PPP2R1B: variants seen among roughly 807,000 people sequenced by gnomAD.
The protein encoded by PPP2R1B is serine/threonine-protein phosphatase 2A 65 kDa regulatory subunit A beta isoform.
In PPP2R1B, 58 loss-of-function variants were observed where a neutral mutation model predicts 72.7. The observed-to-expected ratio is 0.80, with a 90% CI of 0.65 to 0.99. PPP2R1B has a LOEUF of 0.99. Among genes scored for constraint, PPP2R1B ranks in the 50% least tolerant of loss-of-function variants. The pLI is 0.00. For synonymous variants in PPP2R1B, 256 were observed against 264.6 expected, an observed-to-expected ratio of 0.97 and a Z score of 0.32; for missense variants, 695 against 733.6, an observed-to-expected ratio of 0.95 and a Z score of 0.61.
At chr11:111,701,364 T>G in the PPP2R1B span, 8 of 1,492,328 alleles carry the variant, frequency 5.4e-6, no homozygotes, top group Non-Finnish European at 7.2e-6. The surrounding 1 kb of genome is among the most constrained non-coding windows in gnomAD (Gnocchi z 4.2). Context: ...TCAGTCCATA[T>G]GATTTCAAGA....
Position 111,738,832 on chromosome 11 carries a change from A to G in PPP2R1B, c.*2764T>C. ...ACACAAATTACAGAGAGAAACACCAAGGTGAATTCCACTGTTGCTGAGACA... is the reference window on the plus strand; with the variant it reads ...ACACAAATTACAGAGAGAAACACCAGGGTGAATTCCACTGTTGCTGAGACA... On this transcript the variant is annotated 3_prime_UTR_variant, in exon 15 of 15. Transcript: ENST00000527614. 1 of 985,160 alleles carries G rather than the reference A, an allele frequency of 1.0e-6. No homozygotes were observed. 61.0% of individuals were successfully genotyped at this position (985,160 alleles called of 1,614,324 possible).
chr11:111,708,796 T>C, the PPP2R1B span, among the ~76,000 whole-genome samples: 1 of 152,044 alleles, frequency 6.6e-6, no homozygotes, highest in Admixed American at 6.6e-5. Flanking sequence ...CAATGTTGCC[T>C]AGGCTGGTCT....
chr11:111,709,111 G>A, the PPP2R1B span, among the ~76,000 whole-genome samples: 5 of 152,192 alleles, frequency 3.3e-5, no homozygotes, highest in Admixed American at 2.0e-4. Context: ...CTCACAGTTC[G>A]GGAGGCCGGA....
In PPP2R1B at chr11:111,760,994, C is replaced by T; in HGVS notation, c.364G>A (p.Glu122Lys). The change falls in exon 4 of 15, where the codon GAG becomes AAG. Residue 122 changes from glutamate to lysine, a missense_variant. Glu to Lys is a moderately conservative substitution (Grantham distance 56). Coordinates refer to ENST00000527614, the MANE Select transcript of PPP2R1B (RefSeq NM_002716.5). ...TCCTGGGAGATCTGTCTCAGGGACT[C>T]CACAGCCTTGTCACGAACAACAGTC... ...EETVVRDKAV[E>K]SLRQISQEHT... 6.2e-7 allele frequency: 1 copy of T among 1,614,192 alleles called. No homozygotes were observed. The highest frequency in any genetic ancestry group is 2.2e-5 in the East Asian group (1 of 44,886).
intron 12 of PPP2R1B, 143 bp from the exon 13 acceptor site, chr11:111,742,808 T>A: frequency 5.9e-6 from 4 of 675,280 alleles, no homozygotes; most frequent in Non-Finnish European, 6.8e-6. Context: ...GACACAAGAA[T>A]CATTCAAATG....
At chr11:111,703,475 T>G in the PPP2R1B span, 3 of 1,521,948 alleles carry the variant, frequency 2.0e-6, no homozygotes, top group Non-Finnish European at 2.7e-6. Context: ...ACTTGAAATT[T>G]CATGCTCACA....
rs749524147 is a variant in PPP2R1B, at chr11:111,742,526, G to T, written c.1694C>A (p.Thr565Asn). ...AGACTAAACACTAAAATCTTACTTG[G>T]TATCTAGAATTGGTCCAATCTTTTG... is the stretch of plus-strand genomic sequence containing the variant. ...SLQKIGPILD[T>N]NALQGEVKPV... Residue 565 changes from threonine to asparagine, a missense_variant, in exon 13 of 15, where the codon ACC (threonine) becomes AAC (asparagine). Physicochemically the swap from Thr to Asn is moderately conservative, Grantham distance 65 (BLOSUM62 0). Transcript: ENST00000527614. 23 of 1,612,050 alleles carry T rather than the reference G, an allele frequency of 1.4e-5. No homozygotes were observed. Among genetic ancestry groups the T allele is most frequent in the Admixed American group, 6.7e-5 (4 of 59,802 alleles).
the PPP2R1B span, chr11:111,721,090 G>A: frequency 1.6e-5 from 26 of 1,592,614 alleles, no homozygotes; most frequent in South Asian, 2.8e-4. Context: ...TTCCCTCAAT[G>A]GCTCTGTGAG....
the PPP2R1B span, among the ~76,000 whole-genome samples, chr11:111,694,049 C>T: frequency 2.0e-5 from 3 of 152,146 alleles, no homozygotes; most frequent in East Asian, 1.9e-4. Context: ...TTGTAGGGTA[C>T]TTAGAACAGT....
the PPP2R1B span, among the ~76,000 whole-genome samples, chr11:111,690,687 C>T: frequency 1.3e-5 from 2 of 151,848 alleles, no homozygotes; most frequent in Non-Finnish European, 2.9e-5. Context: ...GTTCAACTCC[C>T]ACTTATGAGT....
downstream of PPP2R1B, among the ~76,000 whole-genome samples, chr11:111,722,323 TAG>T (rs1279962556): frequency 2.6e-5 from 4 of 152,256 alleles, no homozygotes; most frequent in African/African-American, 9.6e-5. The surrounding 1 kb of genome is among the most constrained non-coding windows in gnomAD (Gnocchi z 4.4). Context: ...CGATAAAGCA[TAG>T]ATCCCGTAAA....
intron 10 of PPP2R1B, among the ~76,000 whole-genome samples, chr11:111,750,615 A>G (rs558565723): frequency 6.6e-6 from 1 of 152,358 alleles, no homozygotes; most frequent in African/African-American, 2.4e-5. Context: ...ATACTCTGTA[A>G]TAAGTGCTAC....
chr11:111,705,464 G>C, the PPP2R1B span, among the ~76,000 whole-genome samples: 4 of 152,118 alleles, frequency 2.6e-5, no homozygotes, highest in African/African-American at 9.7e-5. This position sits in a 1 kb window ranked among gnomAD's most constrained non-coding sequence, Gnocchi z 4.3. Flanking sequence ...GGCACTGTTG[G>C]GGGTAAGATA....
chr11:111,736,324 C>T (rs534777704), downstream of PPP2R1B, among the ~76,000 whole-genome samples: 232 of 152,302 alleles, frequency 1.5e-3, 2 homozygotes, highest in African/African-American at 5.4e-3. Context: ...ACACTCAGAT[C>T]GGGTCATACC....
At chr11:111,700,808 A>G in the PPP2R1B span, 15 of 1,547,266 alleles carry the variant, frequency 9.7e-6, no homozygotes, top group African/African-American at 1.5e-4. Flanking sequence ...AATATAGCAT[A>G]TTAGAAAATT....
the PPP2R1B span, chr11:111,719,793 G>C: frequency 6.2e-7 from 1 of 1,613,742 alleles, no homozygotes; most frequent in Non-Finnish European, 8.5e-7. Flanking sequence ...CTGTCTGCTT[G>C]ACCCTGTGCC....
chr11:111,751,585 T>A (rs1944908894), intron 10 of PPP2R1B, among the ~76,000 whole-genome samples: 1 of 152,246 alleles, frequency 6.6e-6, no homozygotes, highest in Non-Finnish European at 1.5e-5. Flanking sequence ...TAAATATTTA[T>A]AATGCAAATA....
At position 111,739,670 on chromosome 11, in the gene PPP2R1B, A is replaced by C; in HGVS notation, c.*1926T>G. 1.0e-6 allele frequency: 1 copy of C among 985,470 alleles called. No homozygotes were observed. Among genetic ancestry groups the C allele is most frequent in the Non-Finnish European group, 1.2e-6 (1 of 829,932 alleles). 61.0% of individuals were successfully genotyped at this position (985,470 alleles called of 1,614,324 possible). A position where few individuals can be genotyped will look rare whatever the true frequency, so the allele number is the denominator to read the frequency against. The stretch of plus-strand genomic sequence containing the variant: ...TGGCATTTCCAACCAGAGTAAAGCA[A>C]TGGTTCCAGTGCAAATCTGCTTCAT... On this transcript the variant is annotated 3_prime_UTR_variant, in exon 15 of 15. Transcript: ENST00000527614.
rs11823350 is a variant in PPP2R1B, at chr11:111,746,753, T to C, written c.1399+1201A>G. On this transcript the variant is annotated intron_variant, in intron 11 of 14. Coordinates refer to ENST00000527614, the MANE Select transcript of PPP2R1B (RefSeq NM_002716.5). ...ATTTTTTTTAAAAGTGGTATTTCTT[T>C]CCTATGATTTGCCAAATTTTAATTT... Among the ~76,000 whole-genome samples, 799 of 152,298 alleles carry C rather than the reference T, an allele frequency of 5.2e-3. 7 individuals carry two copies. Among genetic ancestry groups the C allele is most frequent in the African/African-American group, 0.018 (749 of 41,548 alleles).
Sources: allele counts gnomAD v4.1 joint callset (sites outside exome capture counted in the v4.1 genomes callset), GRCh38; gene constraint gnomAD v4.1.1; non-coding constraint Gnocchi (gnomAD v3.1); transcripts MANE v1.5; gene names NCBI Gene and HGNC (gene_info 2026-07-23, HGNC 2026-07-21).